The following VSNL1 variants were observed in gnomAD, a reference collection of about 807,000 sequenced individuals.
VSNL1 encodes the protein visinin like 1.
Under a neutral mutation model 20.4 loss-of-function variants are expected in VSNL1, and 6 were observed. The ratio of observed to expected loss-of-function variants is 0.29; its 90% CI spans 0.16 to 0.58. VSNL1 has a LOEUF of 0.58. Ranked by LOEUF, VSNL1 falls within the 20% of genes least tolerant of loss-of-function variation. The pLI, the probability that VSNL1 is intolerant of heterozygous loss-of-function variation, is 0.90. For missense variants in VSNL1, 100 were observed against 234.5 expected, an observed-to-expected ratio of 0.43 and a Z score of 3.75; for synonymous variants, 93 against 86.4, an observed-to-expected ratio of 1.08 and a Z score of -0.42.
intron 2 of VSNL1, among the ~76,000 whole-genome samples, chr2:17,629,684 G>A (rs1166596953): frequency 6.6e-6 from 1 of 152,222 alleles, no homozygotes; most frequent in Admixed American, 6.5e-5. Flanking sequence ...AGGCCTGCTG[G>A]AGGCACCTCG....
In VSNL1 at chr2:17,592,255, T is replaced by C. The variant is rs1664607714; in HGVS notation, c.162+19T>C. 1 of 1,612,594 alleles carries C rather than the reference T, an allele frequency of 6.2e-7. No individual in the cohort carries two copies. The highest frequency in any genetic ancestry group is 1.7e-5 in the Admixed American group (1 of 59,946). ...TGTGAAGGTAAGTTGTTTTTCAACC[T>C]TGTTTTTATTCCTTAGGCCAGAAAC... On this transcript the variant is annotated intron_variant, in intron 2 of 3. Coordinates refer to ENST00000295156, the MANE Select transcript of VSNL1 (RefSeq NM_003385.5).
At chr2:17,590,925 T>C (rs913983111) in intron 1 of VSNL1, among the ~76,000 whole-genome samples, 23 of 152,188 alleles carry the variant, frequency 1.5e-4, no homozygotes, top group African/African-American at 5.5e-4. Flanking sequence ...TTTCCAATTT[T>C]CAAGTTTAAC....
chr2:17,566,196 T>A (rs181746793), intron 1 of VSNL1, among the ~76,000 whole-genome samples: 4 of 152,220 alleles, frequency 2.6e-5, no homozygotes. Flanking sequence ...TTTCTTTTTT[T>A]GCTATTACAA....
chr2:17,551,434 A>C (rs993261979), intron 1 of VSNL1, among the ~76,000 whole-genome samples: 1 of 152,196 alleles, frequency 6.6e-6, no homozygotes, highest in Non-Finnish European at 1.5e-5. Flanking sequence ...AAAAAATATA[A>C]ATCAGCCCAA....
intron 2 of VSNL1, among the ~76,000 whole-genome samples, chr2:17,593,039 A>G (rs542025116): frequency 6.6e-6 from 1 of 152,362 alleles, no homozygotes; most frequent in African/African-American, 2.4e-5. Flanking sequence ...AAATAGAAAA[A>G]TATTGCTTTA....
Position 17,648,699 on chromosome 2 carries a change from GCCTTCCCTCCTTGTGGTCTATGCTTC to G in VSNL1, c.163-706_163-681del, listed in dbSNP as rs569508416. 1.1e-4 allele frequency among the ~76,000 whole-genome samples: 16 copies of G among 152,264 alleles called. No homozygotes were observed. In the South Asian group the frequency reaches 3.3e-3, roughly 32 times the overall value. ...GGCCACCACCTACTGATTCCCCATG[GCCTTCCCTCCTTGTGGTCTATGCTTC>G]CCTTTCCTCCTTGTGTCCATTCTCT... On this transcript the variant is annotated intron_variant, in intron 2 of 3. Coordinates refer to ENST00000295156, the MANE Select transcript of VSNL1 (RefSeq NM_003385.5).
chr2:17,619,669 G>A (rs2103400977), intron 2 of VSNL1, among the ~76,000 whole-genome samples: 1 of 152,050 alleles, frequency 6.6e-6, no homozygotes, highest in East Asian at 1.9e-4. Flanking sequence ...AACAGTATTA[G>A]AACTCATGGT....
chr2:17,605,467 G>A (rs796676015), intron 2 of VSNL1, among the ~76,000 whole-genome samples: 13 of 152,224 alleles, frequency 8.5e-5, no homozygotes, highest in East Asian at 5.8e-4. Context: ...TCCTCCCAGC[G>A]ACTCGGCGGG....
intron 1 of VSNL1, among the ~76,000 whole-genome samples, chr2:17,556,520 CTG>C (rs1663681961): frequency 6.6e-6 from 1 of 152,192 alleles, no homozygotes; most frequent in South Asian, 2.1e-4. Flanking sequence ...GAAACAGAAA[CTG>C]TTAAGTCTAT....
Position 17,565,123 on chromosome 2 carries a change from A to G in VSNL1, c.-6+24205A>G, listed in dbSNP as rs188649230. On this transcript the variant is annotated intron_variant, in intron 1 of 3. Transcript: ENST00000295156. ...CTGTCTATGGTAAGAGCTAGAAGAA[A>G]AAAGATTATCTAAAATCATAGATGG... 1.7e-3 allele frequency among the ~76,000 whole-genome samples: 259 copies of G among 152,318 alleles called. 3 individuals carry two copies. The highest frequency in any genetic ancestry group is 3.4e-3 in the Middle Eastern group (1 of 292).
At chr2:17,601,015 G>T (rs1159441375) in intron 2 of VSNL1, among the ~76,000 whole-genome samples, 1 of 152,150 alleles carries the variant, frequency 6.6e-6, no homozygotes, top group Non-Finnish European at 1.5e-5. Context: ...TGTCTCCAAG[G>T]GTGTGAAGTT....
chr2:17,615,197 A>G (rs1431784263), intron 2 of VSNL1, among the ~76,000 whole-genome samples: 1 of 152,234 alleles, frequency 6.6e-6, no homozygotes, highest in East Asian at 1.9e-4. Flanking sequence ...ATATACACAC[A>G]TAGCTCCCTG....
At position 17,649,730 on chromosome 2, in the gene VSNL1, T is replaced by TGC. The variant is rs990841919; in HGVS notation, c.378+106_378+107dup. The stretch of plus-strand genomic sequence containing the variant: ...GCTTCTTCTCTCTCTGCTCGAGCCC[T>TGC]GCCAGCTGCACACCACGCCTGGACT... On this transcript the variant is annotated intron_variant, in intron 3 of 3. Transcript: ENST00000295156. The surrounding 1 kb of genome is among the most constrained non-coding windows in gnomAD (Gnocchi z 6.4). 22 of 1,071,792 alleles carry TGC rather than the reference T, an allele frequency of 2.1e-5. No individual in the cohort carries two copies. Among genetic ancestry groups the TGC allele is most frequent in the Non-Finnish European group, 2.9e-5 (21 of 727,596 alleles). 66.4% of individuals were successfully genotyped at this position (1,071,792 alleles called of 1,614,324 possible). A position where few individuals can be genotyped will look rare whatever the true frequency, so the allele number is the denominator to read the frequency against.
intron 2 of VSNL1, among the ~76,000 whole-genome samples, chr2:17,621,274 CTCTT>C (rs540192826): frequency 1.7e-3 from 244 of 146,612 alleles, no homozygotes; most frequent in South Asian, 7.6e-3. Context: ...TTCTTTCTTC[CTCTT>C]TCTTTTTTTC....
At chr2:17,647,731 C>T (rs962150841) in intron 2 of VSNL1, among the ~76,000 whole-genome samples, 1 of 152,150 alleles carries the variant, frequency 6.6e-6, no homozygotes, top group African/African-American at 2.4e-5. Context: ...ACTTTGCCCT[C>T]TCCTCTGTTC....
upstream of VSNL1, among the ~76,000 whole-genome samples, chr2:17,540,419 G>T (rs538354382): frequency 3.2e-4 from 48 of 152,368 alleles, no homozygotes; most frequent in African/African-American, 1.2e-3. Context: ...GGTGCGGGTT[G>T]CTCCGGTAGC....
chr2:17,603,989 G>A (rs1025435575), intron 2 of VSNL1, among the ~76,000 whole-genome samples: 3 of 152,166 alleles, frequency 2.0e-5, no homozygotes, highest in African/African-American at 7.2e-5. Context: ...AACACCAGGG[G>A]GGTCAGCAGG....
At chr2:17,610,523 T>C (rs1021448949) in intron 2 of VSNL1, among the ~76,000 whole-genome samples, 4 of 152,186 alleles carry the variant, frequency 2.6e-5, no homozygotes, top group East Asian at 1.9e-4. Context: ...ATCTTTTTTT[T>C]TTCTTGCTAA....
chr2:17,576,096 T>C (rs1196505980), intron 1 of VSNL1, among the ~76,000 whole-genome samples: 1 of 152,248 alleles, frequency 6.6e-6, no homozygotes, highest in East Asian at 1.9e-4. Flanking sequence ...GGTTTCTGCA[T>C]ATAGTCCACA....
Sources: gnomAD v4.1 joint callset for allele counts (sites outside exome capture counted in the v4.1 genomes callset) on GRCh38, gnomAD v4.1.1 for gene constraint, Gnocchi (gnomAD v3.1) non-coding constraint, MANE v1.5 for transcripts, NCBI Gene and HGNC (gene_info 2026-07-23, HGNC 2026-07-21) for gene names.